KLRG1: variants seen among roughly 807,000 people sequenced by gnomAD.
KLRG1 encodes killer cell lectin like receptor G1.
KLRG1 carries 16 observed loss-of-function variants against 21.8 expected under a neutral mutation model. The observed-to-expected ratio is 0.73, with a 90% CI of 0.50 to 1.11. The LOEUF is 1.11. Among genes scored for constraint, KLRG1 ranks in the 50% most tolerant of loss-of-function variants. The pLI, the probability that KLRG1 is intolerant of heterozygous loss-of-function variation, is 0.00. For missense variants in KLRG1, 173 were observed against 218.3 expected (o/e 0.79, Z 1.31); for synonymous variants, 69 against 75.9 (o/e 0.91, Z 0.47).
chr12:9,060,307 C>T, the KLRG1 span, among the ~76,000 whole-genome samples: 1 of 151,160 alleles, frequency 6.6e-6, no homozygotes, highest in Non-Finnish European at 1.5e-5. Flanking sequence ...CAGGCGTGAG[C>T]CATCGCACCC....
chr12:9,097,888 C>T, the KLRG1 span, among the ~76,000 whole-genome samples: 2 of 152,206 alleles, frequency 1.3e-5, no homozygotes, highest in Non-Finnish European at 2.9e-5. Flanking sequence ...CTGCCTTGGC[C>T]TCCCAGTGTT....
chr12:8,951,138 G>A (rs1164491103), intron 1 of KLRG1, among the ~76,000 whole-genome samples: 1 of 152,010 alleles, frequency 6.6e-6, no homozygotes, highest in East Asian at 1.9e-4. Flanking sequence ...TCACCAGGAG[G>A]GTGTGTATTT....
At chr12:9,149,005 A>T in the KLRG1 span, 4 of 1,610,120 alleles carry the variant, frequency 2.5e-6, no homozygotes, top group Admixed American at 3.3e-5. Flanking sequence ...CTATGGAGAA[A>T]AGAAAAACGT....
chr12:9,169,694 T>G, the KLRG1 span: 3 of 1,110,968 alleles, frequency 2.7e-6, no homozygotes, highest in Non-Finnish European at 3.6e-6. Context: ...TTTTCTTGAG[T>G]ACGTTCATGT....
the KLRG1 span, chr12:9,106,315 T>A: frequency 6.2e-7 from 1 of 1,612,916 alleles, no homozygotes; most frequent in Non-Finnish European, 8.5e-7. Flanking sequence ...TCTTGTGATT[T>A]CACTGGACTG....
At chr12:9,207,251 C>T in the KLRG1 span, among the ~76,000 whole-genome samples, 3 of 152,242 alleles carry the variant, frequency 2.0e-5, no homozygotes, top group South Asian at 2.1e-4. Flanking sequence ...ACAGGAGACA[C>T]GATAGGCATC....
At chr12:9,096,051 G>A in the KLRG1 span, among the ~76,000 whole-genome samples, 320 of 152,186 alleles carry the variant, frequency 2.1e-3, 15 homozygotes, top group South Asian at 0.064. Context: ...GAGCCACCGC[G>A]CCCGGCCTTT....
chr12:9,117,295 C>G, the KLRG1 span, among the ~76,000 whole-genome samples: 3 of 152,028 alleles, frequency 2.0e-5, no homozygotes, highest in Admixed American at 2.0e-4. Flanking sequence ...AAAGCTTGCT[C>G]TTATTGAAAT....
chr12:9,211,314 C>A, the KLRG1 span, among the ~76,000 whole-genome samples: 8 of 151,656 alleles, frequency 5.3e-5, no homozygotes, highest in Non-Finnish European at 1.0e-4. Context: ...CTTTTTTCAC[C>A]TTTAATTAAC....
chr12:9,182,195 A>G, the KLRG1 span: 327 of 1,427,470 alleles, frequency 2.3e-4, 2 homozygotes, highest in African/African-American at 2.9e-3. Context: ...TAAGGACACT[A>G]TTGCTTGGTC....
chr12:8,952,835 A>G (rs923406268), intron 1 of KLRG1, among the ~76,000 whole-genome samples: 8 of 152,254 alleles, frequency 5.3e-5, no homozygotes, highest in African/African-American at 1.9e-4. Flanking sequence ...GATGCTATGT[A>G]TAGTTACTTC....
At chr12:9,103,782 A>G in the KLRG1 span, among the ~76,000 whole-genome samples, 4 of 152,128 alleles carry the variant, frequency 2.6e-5, no homozygotes, top group Non-Finnish European at 4.4e-5. Flanking sequence ...TGTTGTATTT[A>G]TATACCACAT....
the KLRG1 span, among the ~76,000 whole-genome samples, chr12:9,131,543 C>T: frequency 2.0e-5 from 3 of 151,942 alleles, no homozygotes; most frequent in South Asian, 6.2e-4. Flanking sequence ...AGGTAAGTTA[C>T]TAGAGGTGAA....
At chr12:9,076,277 CTAAG>C in the KLRG1 span, among the ~76,000 whole-genome samples, 2 of 152,314 alleles carry the variant, frequency 1.3e-5, no homozygotes, top group Admixed American at 1.3e-4. Context: ...ATGTACTCTA[CTAAG>C]TGTTTTACGT....
At chr12:9,099,506 T>C in the KLRG1 span, 97 of 1,609,056 alleles carry the variant, frequency 6.0e-5, no homozygotes, top group Non-Finnish European at 8.0e-5. Flanking sequence ...GGGATTGAGA[T>C]GGAAAAATGG....
the KLRG1 span, among the ~76,000 whole-genome samples, chr12:9,040,058 A>C: frequency 6.6e-6 from 1 of 152,220 alleles, no homozygotes; most frequent in South Asian, 2.1e-4. Context: ...TAAGACTGAG[A>C]AAAACTTCAG....
chr12:9,026,117 T>C, the KLRG1 span, among the ~76,000 whole-genome samples: 1 of 152,124 alleles, frequency 6.6e-6, no homozygotes, highest in East Asian at 1.9e-4. Flanking sequence ...AGAAATCAAA[T>C]AGCAAGAAGG....
At chr12:8,987,789 G>A (rs1430867604), upstream of KLRG1, among the ~76,000 whole-genome samples, 1 of 152,130 alleles carries the variant, frequency 6.6e-6, no homozygotes, top group East Asian at 1.9e-4. Context: ...ATTTCACTTA[G>A]TATAATGTTT....
intron 1 of KLRG1, among the ~76,000 whole-genome samples, chr12:8,968,342 A>G (rs1296335110): frequency 1.3e-5 from 2 of 152,192 alleles, no homozygotes; most frequent in African/African-American, 4.8e-5. Context: ...AACAAGAAAT[A>G]TTACTAAGCC....
Sources: gnomAD v4.1 joint callset for allele counts (sites outside exome capture counted in the v4.1 genomes callset) on GRCh38, gnomAD v4.1.1 for gene constraint, MANE v1.5 for transcripts, NCBI Gene and HGNC (gene_info 2026-07-23, HGNC 2026-07-21) for gene names.